The following NUP214 variants were observed in gnomAD, a reference collection of about 807,000 sequenced individuals.
NUP214 encodes nucleoporin 214.
Under a neutral mutation model 196.2 loss-of-function variants are expected in NUP214, and 79 were observed. The observed-to-expected ratio is 0.40, with a 90% CI of 0.34 to 0.49. The LOEUF (loss-of-function observed/expected upper bound fraction) is 0.49. Among genes scored for constraint, NUP214 ranks in the 20% least tolerant of loss-of-function variants. The probability of loss-of-function intolerance (pLI) is 0.58; values close to 1 mark genes in which losing one functional copy is unlikely to be tolerated. For synonymous variants in NUP214, 1,020 were observed against 990.5 expected (o/e 1.03, Z -0.56); for missense variants, 2,468 against 2,539.0 (o/e 0.97, Z 0.60).
At chr9:131,202,952 A>T (rs1240145216) in intron 30 of NUP214, among the ~76,000 whole-genome samples, 3 of 144,794 alleles carry the variant, frequency 2.1e-5, no homozygotes, top group East Asian at 2.0e-4. Context: ...TTATTTACTT[A>T]TTTTTTTTTT....
intron 31 of NUP214, among the ~76,000 whole-genome samples, chr9:131,220,772 G>A (rs570863322): frequency 1.7e-4 from 26 of 152,294 alleles, no homozygotes; most frequent in Non-Finnish European, 2.6e-4. Context: ...AATCTCACCC[G>A]GGTCTGACTG....
Position 131,125,895 on chromosome 9 carries a change from C to T in NUP214, c.45+146C>T. The T allele has an allele frequency of 1.0e-6, 1 of 975,222 alleles. No individual in the cohort carries two copies. The highest frequency in any genetic ancestry group is 1.5e-6 in the Non-Finnish European group (1 of 650,190). The allele number at this position is 975,222 out of a possible 1,614,324, so 60.4% of individuals were successfully genotyped here. A position where few individuals can be genotyped will look rare whatever the true frequency, so the allele number is the denominator to read the frequency against. On this transcript the variant is annotated intron_variant, in intron 1 of 35. Transcript: ENST00000359428. The surrounding 1 kb of genome is among the most constrained non-coding windows in gnomAD (Gnocchi z 4.1). ...ACAGCTCTCACCAGCGCGTCTGCCG[C>T]GCCGCTGGCGTGATAGCCCCACCGA... is the stretch of plus-strand genomic sequence containing the variant.
At chr9:131,229,033 A>C (rs1379332262) in intron 33 of NUP214, 1 of 152,278 alleles carries the variant, frequency 6.6e-6, no homozygotes, top group Non-Finnish European at 1.5e-5. Flanking sequence ...TCTCTTGTTC[A>C]AAGGAGGTGT....
chr9:131,194,711 A>G (rs1833725828), intron 27 of NUP214, among the ~76,000 whole-genome samples: 1 of 152,166 alleles, frequency 6.6e-6, no homozygotes, highest in African/African-American at 2.4e-5. Context: ...GTTCTGTCAA[A>G]ATGACTGAGT....
intron 23 of NUP214, among the ~76,000 whole-genome samples, chr9:131,177,112 T>C (rs1439357153): frequency 6.6e-6 from 1 of 152,094 alleles, no homozygotes; most frequent in Non-Finnish European, 1.5e-5. Flanking sequence ...AATTTAGAGT[T>C]TTTTTTAAAG....
chr9:131,140,418 G>A, intron 10 of NUP214, 131 bp from the exon 11 acceptor site: 1 of 718,134 alleles, frequency 1.4e-6, no homozygotes, highest in South Asian at 2.0e-5. Flanking sequence ...TATAAAATCA[G>A]AACAAACTAA....
chr9:131,135,790 G>C, intron 8 of NUP214, 150 bp from the exon 9 acceptor site: 2 of 583,730 alleles, frequency 3.4e-6, no homozygotes, highest in Non-Finnish European at 6.2e-6. Flanking sequence ...TTTACATCTA[G>C]AATCTTCCCA....
chr9:131,155,418 A>G (rs1178383265), intron 17 of NUP214, among the ~76,000 whole-genome samples: 3 of 151,970 alleles, frequency 2.0e-5, no homozygotes, highest in African/African-American at 4.8e-5. Context: ...AGTTTGTGAA[A>G]ATTTTCTCCC....
Position 131,198,925 on chromosome 9 carries a change from G to A in NUP214, c.5431G>A (p.Gly1811Ser), listed in dbSNP as rs1275433182. The A allele has an allele frequency of 6.2e-7, 1 of 1,614,204 alleles. No homozygotes were observed. Among genetic ancestry groups the A allele is most frequent in the Admixed American group, 1.7e-5 (1 of 60,006 alleles). ...SNAPAFGQSP[G>S]FGQGGSVFGG... ...CGCTCCTGCTTTTGGGCAGAGTCCT[G>A]GCTTTGGACAGGGAGGCTCTGTCTT... The change falls in exon 29 of 36, where the codon GGC (glycine) becomes AGC (serine). Residue 1811 changes from glycine (G) to serine (S), a missense_variant. Gly to Ser is a moderately conservative substitution (Grantham distance 56). Around this residue, in one of 5 missense-constraint regions of NUP214, gnomAD observed 1,801 missense variants for 1,779.4 expected, o/e 1.01. Coordinates refer to ENST00000359428, the MANE Select transcript of NUP214 (RefSeq NM_005085.4).
chr9:131,202,688 C>T (rs968355498), intron 30 of NUP214, among the ~76,000 whole-genome samples: 7 of 151,954 alleles, frequency 4.6e-5, no homozygotes, highest in South Asian at 4.2e-4. Context: ...GTGATCTGCC[C>T]GCCTTGGCCT....
In NUP214 at chr9:131,203,660, A is replaced by G. The variant is rs1202848972; in HGVS notation, c.5592+1943A>G. 2.6e-5 allele frequency among the ~76,000 whole-genome samples: 4 copies of G among 152,186 alleles called. No homozygotes were observed. The East Asian group carries it at 7.7e-4, about 29-fold the overall frequency. ...TCTGATTTCCAGTTTCTGGTAGTAGAGGACTAAGTCATTCAAGGGAACCAA... is the reference window on the plus strand; with the variant it reads ...TCTGATTTCCAGTTTCTGGTAGTAGGGGACTAAGTCATTCAAGGGAACCAA... On this transcript the variant is annotated intron_variant, in intron 30 of 35. Coordinates refer to ENST00000359428, the MANE Select transcript of NUP214 (RefSeq NM_005085.4).
rs1833823607 is a variant in NUP214, at chr9:131,197,556, C to T, written c.4062C>T (p.Ser1354=). Residue 1354 remains serine, a synonymous_variant, in exon 29 of 36, where the codon TCC becomes TCT. Coordinates refer to ENST00000359428, the MANE Select transcript of NUP214 (RefSeq NM_005085.4). ...CAAAACCAACCAATAAGGCTTCATC[C>T]ACAAGCCTAACTAGTACCCAGCCAA... ...DSTKPTNKAS[S]TSLTSTQPTK... is the part of the protein sequence containing the mutation. 6.2e-7 allele frequency: 1 copy of T among 1,614,190 alleles called. No homozygotes were observed. Among genetic ancestry groups the T allele is most frequent in the Non-Finnish European group, 8.5e-7 (1 of 1,180,014 alleles).
intron 32 of NUP214, among the ~76,000 whole-genome samples, chr9:131,223,727 A>ATTTATTTTTTTATTTTTTTT: frequency 6.4e-5 from 1 of 15,642 alleles, no homozygotes; most frequent in African/African-American, 1.5e-4. Flanking sequence ...TTATTTATTT[A>ATTTATTTTTTTATTTTTTTT]TTTTTTTTTT....
intron 30 of NUP214, among the ~76,000 whole-genome samples, chr9:131,212,311 G>A (rs1286642969): frequency 1.3e-5 from 2 of 152,210 alleles, no homozygotes; most frequent in East Asian, 3.8e-4. Context: ...CCCTGGTCCT[G>A]TGATCTCGCT....
chr9:131,140,759 A>G (rs576569946), intron 11 of NUP214, 49 bp downstream of exon 11: 5 of 1,546,384 alleles, frequency 3.2e-6, no homozygotes, highest in Non-Finnish European at 4.4e-6. Flanking sequence ...ATGGGCTTGC[A>G]CAAGAGTATT....
intron 32 of NUP214, among the ~76,000 whole-genome samples, chr9:131,227,272 G>C (rs1435241680): frequency 6.6e-6 from 1 of 152,260 alleles, no homozygotes; most frequent in Non-Finnish European, 1.5e-5. Flanking sequence ...ACCCTTGTCT[G>C]TGTGGCCACC....
intron 31 of NUP214, 126 bp downstream of exon 31, chr9:131,215,494 C>G (rs1484584020): frequency 9.3e-7 from 1 of 1,080,030 alleles, no homozygotes; most frequent in African/African-American, 1.6e-5. Context: ...TTTAAAATAT[C>G]TTCCCCAAAG....
chr9:131,147,623 A>AT, intron 14 of NUP214, 39 bp downstream of exon 14: 1 of 1,392,926 alleles, frequency 7.2e-7, no homozygotes, highest in Non-Finnish European at 1.0e-6. Flanking sequence ...GTGTTTATTA[A>AT]TTTACTGCCC....
chr9:131,230,526 T>TGA, intron 33 of NUP214, 104 bp from the exon 34 acceptor site: 1 of 1,374,428 alleles, frequency 7.3e-7, no homozygotes, highest in Non-Finnish European at 1.0e-6. Context: ...CCCTGGATCA[T>TGA]GAGTGTCGTG....
Sources: allele counts gnomAD v4.1 joint callset (sites outside exome capture counted in the v4.1 genomes callset), GRCh38; gene constraint gnomAD v4.1.1; regional missense constraint gnomAD v4.1.1; non-coding constraint Gnocchi (gnomAD v3.1); transcripts MANE v1.5; gene names NCBI Gene and HGNC (gene_info 2026-07-23, HGNC 2026-07-21).